TENM2: variants seen among roughly 807,000 people sequenced by gnomAD.
TENM2 encodes the protein teneurin transmembrane protein 2.
Under a neutral mutation model 245.2 loss-of-function variants are expected in TENM2, and 52 were observed. The observed-to-expected ratio is 0.21, with a 90% CI of 0.17 to 0.27. The LOEUF (loss-of-function observed/expected upper bound fraction) is 0.27, where lower values mean the gene tolerates loss of function less well. TENM2 is among the 10% of genes least tolerant of loss of function. TENM2 has a pLI of 1.00. For synonymous variants in TENM2, 1,363 were observed against 1,438.9 expected, an observed-to-expected ratio of 0.95 and a Z score of 1.19; for missense variants, 3,046 against 3,666.8, an observed-to-expected ratio of 0.83 and a Z score of 4.37.
chr5:167,740,279 G>A lies in TENM2; in HGVS notation c.503-135707G>A, dbSNP rs77755016. Among the ~76,000 whole-genome samples the A allele has an allele frequency of 1.8e-4, 27 of 152,220 alleles. 1 individual carries two copies. In the East Asian group the frequency reaches 5.0e-3, roughly 28 times the overall value. On this transcript the variant is annotated intron_variant, in intron 2 of 28. Transcript: ENST00000518659. ...CACATCGGGTTATGGAAACACAAATGCAGAAACGTGCCCAAATCACTGTGA... is the reference window on the plus strand; with the variant it reads ...CACATCGGGTTATGGAAACACAAATACAGAAACGTGCCCAAATCACTGTGA...
At chr5:167,234,061 C>T in the TENM2 span, among the ~76,000 whole-genome samples, 1 of 151,994 alleles carries the variant, frequency 6.6e-6, no homozygotes, top group African/African-American at 2.4e-5. Flanking sequence ...TCTGATAGAA[C>T]TCGGTACAGA....
At chr5:167,677,995 T>C (rs962959080) in intron 2 of TENM2, among the ~76,000 whole-genome samples, 2 of 151,990 alleles carry the variant, frequency 1.3e-5, no homozygotes, top group Non-Finnish European at 2.9e-5. Context: ...AATCATGATA[T>C]AGAATAATAC....
chr5:168,172,339 G>A (rs1224932921), intron 13 of TENM2, among the ~76,000 whole-genome samples: 1 of 152,218 alleles, frequency 6.6e-6, no homozygotes, highest in Non-Finnish European at 1.5e-5. Context: ...TTGAAAGGAC[G>A]TGATGTCCAA....
At chr5:167,446,587 A>C in intron 2 of TENM2, among the ~76,000 whole-genome samples, 1 of 152,140 alleles carries the variant, frequency 6.6e-6, no homozygotes, top group East Asian at 1.9e-4. Flanking sequence ...TTTTATTCTT[A>C]GTTTGCCTGA....
intron 12 of TENM2, among the ~76,000 whole-genome samples, chr5:168,156,149 G>A (rs1046720769): frequency 1.4e-5 from 2 of 144,630 alleles, no homozygotes; most frequent in Admixed American, 7.0e-5. Flanking sequence ...TCAGAGAGGT[G>A]GATCTACCAG....
At chr5:167,893,646 T>C (rs933786365) in intron 3 of TENM2, among the ~76,000 whole-genome samples, 1 of 151,724 alleles carries the variant, frequency 6.6e-6, no homozygotes. Context: ...TTTTTTTTTT[T>C]AGTAAGAGGC....
intron 7 of TENM2, among the ~76,000 whole-genome samples, chr5:168,072,660 C>A (rs1791116701): frequency 6.6e-6 from 1 of 152,132 alleles, no homozygotes; most frequent in Admixed American, 6.6e-5. Flanking sequence ...TCTTATCTCT[C>A]CTATGAAGTG....
chr5:167,642,354 C>T (rs1474100913), intron 2 of TENM2, among the ~76,000 whole-genome samples: 2 of 152,064 alleles, frequency 1.3e-5, no homozygotes, highest in Non-Finnish European at 2.9e-5. Context: ...CATATAGCAA[C>T]TTAAGTGTCA....
At chr5:167,439,805 CCA>C (rs1198614031) in intron 2 of TENM2, among the ~76,000 whole-genome samples, 13 of 152,126 alleles carry the variant, frequency 8.5e-5, no homozygotes, top group African/African-American at 3.1e-4. Flanking sequence ...TCCATATTCA[CCA>C]CTTTGAAAGT....
chr5:167,651,150 AC>A (rs1281843625), intron 2 of TENM2, among the ~76,000 whole-genome samples: 3 of 151,946 alleles, frequency 2.0e-5, no homozygotes, highest in African/African-American at 7.2e-5. Context: ...AATAAGAACT[AC>A]CTTGCACACT....
At chr5:167,429,607 CTTTTTTTT>C (rs10587909) in intron 2 of TENM2, among the ~76,000 whole-genome samples, 19 of 78,706 alleles carry the variant, frequency 2.4e-4, no homozygotes, top group Non-Finnish European at 4.1e-4. Context: ...CTCTCTCTCT[CTTTTTTTT>C]TTTTTTTTTT....
At chr5:167,744,222 A>G (rs1761402013) in intron 2 of TENM2, among the ~76,000 whole-genome samples, 1 of 152,188 alleles carries the variant, frequency 6.6e-6, no homozygotes, top group African/African-American at 2.4e-5. Flanking sequence ...TTACGGATTC[A>G]GGGTCCCAAA....
At chr5:167,895,666 G>T (rs1775159412) in intron 3 of TENM2, among the ~76,000 whole-genome samples, 1 of 152,178 alleles carries the variant, frequency 6.6e-6, no homozygotes. Flanking sequence ...AATTCACTAT[G>T]TCTGAGTTGG....
intron 2 of TENM2, among the ~76,000 whole-genome samples, chr5:167,775,825 G>A (rs1394566896): frequency 6.6e-6 from 1 of 152,134 alleles, no homozygotes; most frequent in Admixed American, 6.5e-5. Flanking sequence ...TTTATTTCTA[G>A]GAATTTATCC....
chr5:167,479,730 C>T (rs1767637023), intron 2 of TENM2, among the ~76,000 whole-genome samples: 1 of 152,176 alleles, frequency 6.6e-6, no homozygotes, highest in South Asian at 2.1e-4. Flanking sequence ...AGCATATTTA[C>T]TTACTAGACT....
chr5:167,640,842 CAT>C (rs60136419), intron 2 of TENM2, among the ~76,000 whole-genome samples: 58,768 of 74,610 alleles, frequency 0.79, 23,446 homozygotes, highest in East Asian at 0.86. Context: ...TATATATATC[CAT>C]ATATATATAT....
intron 2 of TENM2, among the ~76,000 whole-genome samples, chr5:167,376,813 A>G (rs1023127262): frequency 6.6e-6 from 1 of 152,194 alleles, no homozygotes; most frequent in Non-Finnish European, 1.5e-5. Context: ...AGAAGTTTCC[A>G]TAAAAGCATA....
chr5:168,231,287 C>G (rs1370793216), intron 25 of TENM2, among the ~76,000 whole-genome samples: 1 of 152,142 alleles, frequency 6.6e-6, no homozygotes, highest in Non-Finnish European at 1.5e-5. Flanking sequence ...GACAAGAGAT[C>G]AGGAAGGGCT....
At chr5:167,668,044 A>G (rs1755687678) in intron 2 of TENM2, among the ~76,000 whole-genome samples, 1 of 152,180 alleles carries the variant, frequency 6.6e-6, no homozygotes, top group Non-Finnish European at 1.5e-5. Context: ...TTGGCCCTTG[A>G]TGGCACAATT....
Sources: gnomAD v4.1 joint callset for allele counts (sites outside exome capture counted in the v4.1 genomes callset) on GRCh38, gnomAD v4.1.1 for gene constraint, MANE v1.5 for transcripts, NCBI Gene and HGNC (gene_info 2026-07-23, HGNC 2026-07-21) for gene names.